Variants in MYH10 observed in about 807,000 individuals in gnomAD.
MYH10 encodes the protein myosin-10.
A neutral mutation model predicts 257.8 loss-of-function variants in MYH10; 55 were observed. That is an observed-to-expected ratio of 0.21 (90% confidence interval 0.17 to 0.27). MYH10 has a LOEUF of 0.27. MYH10 is among the 10% of genes least tolerant of loss of function. The probability of loss-of-function intolerance (pLI) is 1.00; values close to 1 mark genes in which losing one functional copy is unlikely to be tolerated. For missense variants in MYH10, 1,631 were observed against 2,500.6 expected (o/e 0.65, Z 7.42); for synonymous variants, 854 against 921.7 (o/e 0.93, Z 1.33).
At chr17:8,530,835 T>TTA (rs955075830) in intron 16 of MYH10, 150 bp from the exon 17 acceptor site, 1 of 577,270 alleles carries the variant, frequency 1.7e-6, no homozygotes, top group African/African-American at 1.9e-5. Flanking sequence ...ACATGACTGT[T>TTA]TAGAGAATTT....
chr17:8,511,626 C>A (rs967331686), intron 24 of MYH10, among the ~76,000 whole-genome samples: 1 of 152,194 alleles, frequency 6.6e-6, no homozygotes, highest in Non-Finnish European at 1.5e-5. Context: ...AGAGTAACTT[C>A]GGCTAAATAA....
At chr17:8,517,110 C>T (rs1372694737) in intron 21 of MYH10, among the ~76,000 whole-genome samples, 1 of 152,160 alleles carries the variant, frequency 6.6e-6, no homozygotes, top group Non-Finnish European at 1.5e-5. Flanking sequence ...CACTGCACTC[C>T]AGCCTCAGCG....
chr17:8,511,056 A>ATG (rs2081270577), intron 24 of MYH10: 1 of 114,008 alleles, frequency 8.8e-6, no homozygotes, highest in Non-Finnish European at 1.7e-5. Context: ...ATATATATAT[A>ATG]TATACACACA....
chr17:8,612,916 T>G (rs1306226746), intron 2 of MYH10, among the ~76,000 whole-genome samples: 2 of 151,946 alleles, frequency 1.3e-5, no homozygotes, highest in Non-Finnish European at 2.9e-5. Flanking sequence ...ATATATATGG[T>G]TCAGTACCAT....
At chr17:8,514,175 A>C (rs2081387948) in intron 21 of MYH10, among the ~76,000 whole-genome samples, 2 of 152,184 alleles carry the variant, frequency 1.3e-5, no homozygotes, top group Admixed American at 1.3e-4. Flanking sequence ...CCACTCAGCC[A>C]TATACCCACA....
At chr17:8,572,656 G>A (rs968727744) in intron 6 of MYH10, among the ~76,000 whole-genome samples, 15 of 152,262 alleles carry the variant, frequency 9.9e-5, no homozygotes, top group East Asian at 5.8e-4. Context: ...GCCAAAGGCA[G>A]CAAGAAGATT....
At chr17:8,503,326 G>A (rs1394998302) in intron 28 of MYH10, among the ~76,000 whole-genome samples, 1 of 86,400 alleles carries the variant, frequency 1.2e-5, no homozygotes, top group Non-Finnish European at 2.6e-5. Flanking sequence ...AAAAAAGTGG[G>A]GTAGGAAGCC....
rs1209419518 is a variant in MYH10, at chr17:8,480,293, G to A, written c.5414C>T (p.Ala1805Val). 1.9e-6 allele frequency: 3 copies of A among 1,613,976 alleles called. No individual in the cohort carries two copies. Among genetic ancestry groups the A allele is most frequent in the Non-Finnish European group, 2.5e-6 (3 of 1,180,042 alleles). Residue 1805 changes from alanine to valine, a missense_variant, in exon 40 of 43, where the codon GCA becomes GTA. Physicochemically the swap from Ala to Val is moderately conservative, Grantham distance 64. This residue lies in a region of MYH10 where 343 missense variants were observed against 389.5 expected (regional missense o/e 0.88). Coordinates refer to ENST00000360416, the MANE Select transcript of MYH10 (RefSeq NM_001256012.3). ...LQVDTLNAEL[A>V]AERSAAQKSD... ...CTTCTGGGCGGCGCTGCGCTCGGCT[G>A]CTAGCTCGGCGTTCAGTGTGTCCAC...
chr17:8,598,710 CT>C (rs11442242), intron 3 of MYH10, among the ~76,000 whole-genome samples: 152 of 142,766 alleles, frequency 1.1e-3, no homozygotes, highest in South Asian at 4.2e-3. Flanking sequence ...CATTTTGTAC[CT>C]TTTTTTTTTT....
chr17:8,520,757 C>T, intron 19 of MYH10, 121 bp downstream of exon 19: 17 of 1,089,512 alleles, frequency 1.6e-5, no homozygotes, highest in Non-Finnish European at 2.2e-5. Context: ...TATATGTTTG[C>T]TATATAAGAA....
chr17:8,506,500 A>C lies in MYH10; in HGVS notation c.3215-11T>G. ...CCTTCTTTAAGCGTTCTTTAAGGTA[A>C]GACATAAGAAGCTCTTCAACACACC... is the stretch of plus-strand genomic sequence containing the variant. On this transcript the variant is annotated splice_polypyrimidine_tract_variant and intron_variant, in intron 26 of 42. Coordinates refer to ENST00000360416, the MANE Select transcript of MYH10 (RefSeq NM_001256012.3). The surrounding 1 kb of genome is among the most constrained non-coding windows in gnomAD (Gnocchi z 5.0). 1 of 1,608,712 alleles carries C rather than the reference A, an allele frequency of 6.2e-7. No individual in the cohort carries two copies. Among genetic ancestry groups the C allele is most frequent in the South Asian group, 1.1e-5 (1 of 90,128 alleles).
At chr17:8,595,425 CTTTT>C (rs10664342) in intron 3 of MYH10, among the ~76,000 whole-genome samples, 34 of 84,184 alleles carry the variant, frequency 4.0e-4, no homozygotes, top group African/African-American at 1.7e-3. Context: ...AAGAACAGTT[CTTTT>C]TTTTTTTTTT....
intron 16 of MYH10, among the ~76,000 whole-genome samples, chr17:8,534,515 C>T (rs2082088850): frequency 6.6e-6 from 1 of 152,238 alleles, no homozygotes; most frequent in Non-Finnish European, 1.5e-5. Flanking sequence ...TTTCCTTTGG[C>T]CCCAATTGCC....
At chr17:8,586,827 T>C (rs1411119819) in intron 4 of MYH10, among the ~76,000 whole-genome samples, 7 of 152,186 alleles carry the variant, frequency 4.6e-5, no homozygotes, top group Non-Finnish European at 1.5e-5. Context: ...AAAGTCTTCA[T>C]CAAACCACTT....
intron 2 of MYH10, among the ~76,000 whole-genome samples, chr17:8,618,343 G>T (rs1022874980): frequency 6.6e-6 from 1 of 151,708 alleles, no homozygotes; most frequent in African/African-American, 2.4e-5. Context: ...CTGTCTCCTG[G>T]GTTGTCCTGC....
chr17:8,564,097 A>AT (rs1371770973), intron 7 of MYH10, among the ~76,000 whole-genome samples: 3 of 152,188 alleles, frequency 2.0e-5, no homozygotes, highest in Non-Finnish European at 4.4e-5. Flanking sequence ...TCTGGAACGC[A>AT]TTTTACTTCT....
intron 36 of MYH10, among the ~76,000 whole-genome samples, chr17:8,485,664 C>T (rs992883375): frequency 6.6e-6 from 1 of 152,132 alleles, no homozygotes; most frequent in African/African-American, 2.4e-5. Flanking sequence ...TGGTTACAAT[C>T]AAAAGATGGA....
chr17:8,620,009 T>C (rs534108082), intron 2 of MYH10, among the ~76,000 whole-genome samples: 47 of 152,322 alleles, frequency 3.1e-4, no homozygotes, highest in South Asian at 1.7e-3. Flanking sequence ...GGGAGATTTT[T>C]CACACATTTT....
At chr17:8,580,554 T>C (rs1160071994) in intron 4 of MYH10, among the ~76,000 whole-genome samples, 2 of 152,222 alleles carry the variant, frequency 1.3e-5, no homozygotes, top group Non-Finnish European at 2.9e-5. Context: ...TGATATAGAC[T>C]GCTGAGTCAA....
Sources: allele counts gnomAD v4.1 joint callset (sites outside exome capture counted in the v4.1 genomes callset), GRCh38; gene constraint gnomAD v4.1.1; regional missense constraint gnomAD v4.1.1; non-coding constraint Gnocchi (gnomAD v3.1); transcripts MANE v1.5; gene names NCBI Gene and HGNC (gene_info 2026-07-23, HGNC 2026-07-21).